P4HA2: variants seen among roughly 807,000 people sequenced by gnomAD.
P4HA2 encodes prolyl 4-hydroxylase subunit alpha-2.
P4HA2 carries 46 observed loss-of-function variants against 76.9 expected under a neutral mutation model. The ratio of observed to expected loss-of-function variants is 0.60; its 90% CI spans 0.47 to 0.76. P4HA2 has a LOEUF of 0.76. P4HA2 is among the 30% of genes least tolerant of loss of function. The probability of loss-of-function intolerance (pLI) is 0.00; values close to 1 mark genes in which losing one functional copy is unlikely to be tolerated. For synonymous variants in P4HA2, 243 were observed against 254.0 expected (o/e 0.96, Z 0.41); for missense variants, 583 against 669.4 (o/e 0.87, Z 1.42).
chr5:132,225,647 G>C (rs982480156), intron 1 of P4HA2, among the ~76,000 whole-genome samples: 1 of 152,120 alleles, frequency 6.6e-6, no homozygotes, highest in Non-Finnish European at 1.5e-5. Context: ...CCTCTCTCTC[G>C]TCCCTCATTC....
rs1004465865 is a variant in P4HA2 at position 132,217,159 on chromosome 5, A to G, written c.331+38T>C. ...ACAACCCAGGCATGAGCACACAAAC[A>G]TATGGGCTCACTCAAGCACCTGCTC... is the stretch of plus-strand genomic sequence containing the variant. On this transcript the variant is annotated intron_variant, in intron 4 of 14. Coordinates refer to ENST00000360568, the MANE Select transcript of P4HA2 (RefSeq NM_001017974.2). 1.2e-5 allele frequency: 19 copies of G among 1,598,806 alleles called. No homozygotes were observed. The Admixed American group carries it at 2.7e-4, about 23-fold the overall frequency.
Position 132,197,899 on chromosome 5 carries a change from C to T in P4HA2, c.1365+422G>A, listed in dbSNP as rs1238866470. 5.6e-6 allele frequency: 3 copies of T among 534,544 alleles called. No homozygotes were observed. The African/African-American group carries it at 6.2e-5, about 11-fold the overall frequency. 33.1% of individuals were successfully genotyped at this position (534,544 alleles called of 1,614,324 possible). ...TTGCGCACTATGAATGTATTTAATA[C>T]CACTGAACCGTACATTTAAAAAATG... On this transcript the variant is annotated intron_variant, in intron 12 of 14. Transcript: ENST00000360568.
At chr5:132,196,443 T>A (rs1750654892) in intron 12 of P4HA2, among the ~76,000 whole-genome samples, 1 of 152,216 alleles carries the variant, frequency 6.6e-6, no homozygotes, top group Admixed American at 6.5e-5. Context: ...AGAAACCATG[T>A]TCTACCAGCT....
rs902542879 is a variant in P4HA2, at chr5:132,191,429, G to A, written c.*1581C>T. On this transcript the variant is annotated 3_prime_UTR_variant, in exon 15 of 15. Transcript: ENST00000360568. ...TGGGAGGCTGAGGCAGGAGAATGGC[G>A]TGAACCCGGGAGGCGGAGCTTGCAG... Among the ~76,000 whole-genome samples the A allele has an allele frequency of 2.0e-5, 3 of 149,172 alleles. No homozygotes were observed. The highest frequency in any genetic ancestry group is 2.0e-4 in the East Asian group (1 of 5,070).
intron 4 of P4HA2, among the ~76,000 whole-genome samples, 171 bp from the exon 5 acceptor site, chr5:132,214,224 C>G (rs1753541414): frequency 6.6e-6 from 1 of 151,756 alleles, no homozygotes; most frequent in African/African-American, 2.4e-5. Context: ...TGACTCCAGT[C>G]TATGGGGACT....
chr5:132,193,314 A>C, intron 14 of P4HA2: 1 of 433,118 alleles, frequency 2.3e-6, no homozygotes, highest in Non-Finnish European at 4.2e-6. Context: ...TGCCATGGGA[A>C]TAGCACCCAA....
rs1453821539 is a variant in P4HA2, at chr5:132,199,045, G to A, written c.1252-113C>T. 6.8e-6 allele frequency: 5 copies of A among 737,264 alleles called. No homozygotes were observed. In the Middle Eastern group the frequency reaches 7.0e-4, roughly 103 times the overall value. The allele number at this position is 737,264 out of a possible 1,614,324, so 45.7% of individuals were successfully genotyped here. A position where few individuals can be genotyped will look rare whatever the true frequency, so the allele number is the denominator to read the frequency against. Reference sequence around the variant, plus strand: ...CTGAAAACAACCAGAACTCCCAAGAGCAGCCTCTCTAAGGTGGAAGACAAC... The same window carrying A: ...CTGAAAACAACCAGAACTCCCAAGAACAGCCTCTCTAAGGTGGAAGACAAC... On this transcript the variant is annotated intron_variant, in intron 10 of 14. Transcript: ENST00000360568.
chr5:132,208,425 GA>G (rs1408578535), intron 7 of P4HA2, among the ~76,000 whole-genome samples: 3 of 25,794 alleles, frequency 1.2e-4, no homozygotes, highest in Admixed American at 3.5e-4. Flanking sequence ...GGGAGGGGGG[GA>G]GGGGAGGAGA....
At chr5:132,219,997 G>C (rs1396295044) in intron 1 of P4HA2, among the ~76,000 whole-genome samples, 1 of 152,256 alleles carries the variant, frequency 6.6e-6, no homozygotes, top group Non-Finnish European at 1.5e-5. Flanking sequence ...CAGTCTTCCT[G>C]TCATAGTCTA....
intron 4 of P4HA2, among the ~76,000 whole-genome samples, chr5:132,215,891 G>A (rs1212021712): frequency 6.7e-6 from 1 of 148,884 alleles, no homozygotes; most frequent in Admixed American, 6.7e-5. Flanking sequence ...AGCGGGCATG[G>A]TGGCTCACAC....
At chr5:132,198,025 G>A (rs1482046525) in intron 12 of P4HA2, 3 of 985,180 alleles carry the variant, frequency 3.0e-6, no homozygotes, top group Non-Finnish European at 3.6e-6. Context: ...TGGTGGCAGT[G>A]GGGAAAATGA....
In P4HA2 at chr5:132,203,654, T is replaced by C. The variant is rs543566003; in HGVS notation, c.1251+94A>G. 31 of 752,356 alleles carry C rather than the reference T, an allele frequency of 4.1e-5. No individual in the cohort carries two copies. The African/African-American group carries it at 4.8e-4, about 12-fold the overall frequency. The allele number at this position is 752,356 out of a possible 1,614,324, so 46.6% of individuals were successfully genotyped here. A position where few individuals can be genotyped will look rare whatever the true frequency, so the allele number is the denominator to read the frequency against. The stretch of plus-strand genomic sequence containing the variant: ...ATAGCATCAGGCAGTAGTCATACAG[T>C]TGGGCCTCTTGGCCCAGTTCTGGAC... On this transcript the variant is annotated intron_variant, in intron 10 of 14. Coordinates refer to ENST00000360568, the MANE Select transcript of P4HA2 (RefSeq NM_001017974.2).
rs201872015 is a variant in P4HA2 at position 132,194,987 on chromosome 5, G to A, written c.1470C>T (p.Ser490=). 4.3e-6 allele frequency: 7 copies of A among 1,613,262 alleles called. No homozygotes were observed. The Admixed American group carries it at 6.7e-5, about 15-fold the overall frequency. ...TAVFWYNLLR[S]GEGDYRTRHA... ...GTCTTGTTCGGTAGTCACCTTCCCC[G>A]CTCCGCAAGAGGTTGTACCAGAACA... The change falls in exon 14 of 15, where the codon AGC becomes AGT. Residue 490 remains serine (S), a synonymous_variant. Coordinates refer to ENST00000360568, the MANE Select transcript of P4HA2 (RefSeq NM_001017974.2).
rs1252735784 is a variant in P4HA2 at position 132,190,177 on chromosome 5, T to C, written c.*2833A>G. On this transcript the variant is annotated 3_prime_UTR_variant, in exon 15 of 15. Transcript: ENST00000360568. The stretch of plus-strand genomic sequence containing the variant: ...GAAAAAATCATTTAATTTTCCACAA[T>C]TGATTAAGGATACCATTGTACAAAT... Among the ~76,000 whole-genome samples the C allele has an allele frequency of 6.6e-6, 1 of 152,192 alleles. No individual in the cohort carries two copies. Among genetic ancestry groups the C allele is most frequent in the Admixed American group, 6.5e-5 (1 of 15,284 alleles).
chr5:132,210,556 A>G, intron 5 of P4HA2, 33 bp from the exon 6 acceptor site: 3 of 1,610,828 alleles, frequency 1.9e-6, no homozygotes, highest in Non-Finnish European at 2.5e-6. Flanking sequence ...TCAGGCTCCA[A>G]AGAGCCTCTG....
At chr5:132,198,205 C>A in intron 12 of P4HA2, 116 bp downstream of exon 12, 2 of 1,614,098 alleles carry the variant, frequency 1.2e-6, no homozygotes, top group Non-Finnish European at 1.7e-6. Context: ...ATCATACTCA[C>A]GTAGTTTAAG....
Position 132,191,290 on chromosome 5 carries a change from A to G in P4HA2, c.*1720T>C, listed in dbSNP as rs1252846500. On this transcript the variant is annotated 3_prime_UTR_variant, in exon 15 of 15. Transcript: ENST00000360568. ...CACTTTGGGAGGCCGAGGCGGGCGGATCACGAGGTCAGGAGATCGAGACCA... is the reference window on the plus strand; with the variant it reads ...CACTTTGGGAGGCCGAGGCGGGCGGGTCACGAGGTCAGGAGATCGAGACCA... 6.6e-6 allele frequency among the ~76,000 whole-genome samples: 1 copy of G among 152,108 alleles called. No homozygotes were observed. The highest frequency in any genetic ancestry group is 1.5e-5 in the Non-Finnish European group (1 of 67,992).
At chr5:132,195,065 G>T in intron 13 of P4HA2, 43 bp from the exon 14 acceptor site, 2 of 1,314,560 alleles carry the variant, frequency 1.5e-6, no homozygotes, top group African/African-American at 1.4e-5. Flanking sequence ...TTAAGAGACT[G>T]TGCTCAGGGA....
intron 8 of P4HA2, 98 bp downstream of exon 8, chr5:132,207,610 G>T: frequency 1.1e-6 from 1 of 947,254 alleles, no homozygotes. Context: ...ATGGATAAAG[G>T]GTGGCTAGAT....
Sources: allele counts gnomAD v4.1 joint callset (sites outside exome capture counted in the v4.1 genomes callset), GRCh38; gene constraint gnomAD v4.1.1; transcripts MANE v1.5; gene names NCBI Gene and HGNC (gene_info 2026-07-23, HGNC 2026-07-21).